NDUFB5: variants seen among roughly 807,000 people sequenced by gnomAD.
NDUFB5 encodes the protein NADH:ubiquinone oxidoreductase subunit B5, also known as NADH dehydrogenase [ubiquinone] 1 beta subcomplex subunit 5, mitochondrial.
Under a neutral mutation model 19.4 loss-of-function variants are expected in NDUFB5, and 19 were observed. The ratio of observed to expected loss-of-function variants is 0.98; its 90% CI spans 0.68 to 1.43. The LOEUF is 1.43. Among genes scored for constraint, NDUFB5 ranks in the 40% most tolerant of loss-of-function variants. The probability of loss-of-function intolerance (pLI) is 0.00; values close to 1 mark genes in which losing one functional copy is unlikely to be tolerated. For synonymous variants in NDUFB5, 80 were observed against 82.6 expected, an observed-to-expected ratio of 0.97 and a Z score of 0.17; for missense variants, 233 against 236.5, an observed-to-expected ratio of 0.99 and a Z score of 0.10.
chr3:179,624,277 C>A lies in NDUFB5; in HGVS notation c.*237C>A. 1 of 322,830 alleles carries A rather than the reference C, an allele frequency of 3.1e-6. No individual in the cohort carries two copies. 20.0% of individuals were successfully genotyped at this position (322,830 alleles called of 1,614,324 possible). On this transcript the variant is annotated 3_prime_UTR_variant, in exon 6 of 6. Coordinates refer to ENST00000259037, the MANE Select transcript of NDUFB5 (RefSeq NM_002492.4). Reference sequence around the variant, plus strand: ...AATTTGTGAACTCCTAAAATTGTAGCAACTTTGAAAGGTTAGTGTTTTATT... The same window carrying A: ...AATTTGTGAACTCCTAAAATTGTAGAAACTTTGAAAGGTTAGTGTTTTATT...
In NDUFB5 at chr3:179,613,782, C is replaced by G. The variant is rs1719308610; in HGVS notation, c.125-1189C>G. Among the ~76,000 whole-genome samples the G allele has an allele frequency of 1.3e-5, 2 of 152,142 alleles. 1 individual carries two copies. The highest frequency in any genetic ancestry group is 4.1e-4 in the South Asian group (2 of 4,826). On this transcript the variant is annotated intron_variant, in intron 1 of 5. Transcript: ENST00000259037. ...TGTTACCAAAATTAAGAAGATAGTT[C>G]CTGCTTTCAAGATATTTATACTTAA...
At chr3:179,623,067 G>T (rs55875831) in intron 5 of NDUFB5, among the ~76,000 whole-genome samples, 13,775 of 152,230 alleles carry the variant, frequency 0.09, 675 homozygotes, top group South Asian at 0.17. Context: ...TATTGACTGA[G>T]TATCTGATGT....
chr3:179,615,469 G>C (rs1719352589), intron 2 of NDUFB5: 1 of 367,328 alleles, frequency 2.7e-6, no homozygotes, highest in Non-Finnish European at 5.6e-6. Context: ...ATTTCAGAGA[G>C]TAACAGGGAT....
intron 2 of NDUFB5, 52 bp downstream of exon 2, chr3:179,615,111 A>C (rs1422931581): frequency 2.7e-6 from 3 of 1,127,004 alleles, no homozygotes; most frequent in East Asian, 2.4e-5. Flanking sequence ...ACAGGGAAAA[A>C]ATTTTTGCCT....
chr3:179,617,071 T>C (rs1456260578), intron 4 of NDUFB5, 27 bp downstream of exon 4: 1 of 1,485,208 alleles, frequency 6.7e-7, no homozygotes, highest in South Asian at 1.2e-5. Flanking sequence ...GACAATTACA[T>C]ACTGTTACAT....
In NDUFB5 at chr3:179,624,131, A is replaced by G; in HGVS notation, c.*91A>G. The G allele has an allele frequency of 8.3e-7, 1 of 1,209,104 alleles. No individual in the cohort carries two copies. Among genetic ancestry groups the G allele is most frequent in the Middle Eastern group, 3.0e-4 (1 of 3,380 alleles). 74.9% of individuals were successfully genotyped at this position (1,209,104 alleles called of 1,614,324 possible). A position where few individuals can be genotyped will look rare whatever the true frequency, so the allele number is the denominator to read the frequency against. On this transcript the variant is annotated 3_prime_UTR_variant, in exon 6 of 6. Coordinates refer to ENST00000259037, the MANE Select transcript of NDUFB5 (RefSeq NM_002492.4). ...GTATTTTTGCTCTCCGTGAAAAACA[A>G]AAGAGCCTCTGACATTACTGTCTCT...
intron 5 of NDUFB5, among the ~76,000 whole-genome samples, chr3:179,623,408 CACGCCTGTA>C (rs1719585352): frequency 6.6e-6 from 1 of 152,222 alleles, no homozygotes; most frequent in African/African-American, 2.4e-5. Flanking sequence ...TGCGGTGGCT[CACGCCTGTA>C]ATCCCAGCAC....
intron 4 of NDUFB5, 79 bp downstream of exon 4, chr3:179,617,123 T>C: frequency 1.8e-6 from 2 of 1,129,126 alleles, no homozygotes; most frequent in Non-Finnish European, 2.6e-6. Flanking sequence ...TCAGCAATTA[T>C]GATATAGTCA....
rs1236986938 is a variant in NDUFB5 at position 179,627,173 on chromosome 3, C to T, written c.*3133C>T. 2.0e-5 allele frequency: 3 copies of T among 151,902 alleles called. No individual in the cohort carries two copies. Among genetic ancestry groups the T allele is most frequent in the East Asian group, 1.9e-4 (1 of 5,140 alleles). 9.4% of individuals were successfully genotyped at this position (151,902 alleles called of 1,614,324 possible). A position where few individuals can be genotyped will look rare whatever the true frequency, so the allele number is the denominator to read the frequency against. ...CACACACTGTTTTAAACAACCAGATCTCTCAGGAACTCATTGTTGTTAGAA... is the reference window on the plus strand; with the variant it reads ...CACACACTGTTTTAAACAACCAGATTTCTCAGGAACTCATTGTTGTTAGAA... On this transcript the variant is annotated 3_prime_UTR_variant, in exon 6 of 6. Transcript: ENST00000259037.
In NDUFB5 at chr3:179,626,798, T is replaced by A. The variant is rs1719683126; in HGVS notation, c.*2758T>A. On this transcript the variant is annotated 3_prime_UTR_variant, in exon 6 of 6. Coordinates refer to ENST00000259037, the MANE Select transcript of NDUFB5 (RefSeq NM_002492.4). ...CACCCACCTTGGTCTCCCAAAGTGC[T>A]GGGATTACAGGTGTGAGCCACTGCG... 1 of 152,262 alleles carries A rather than the reference T, an allele frequency of 6.6e-6. No homozygotes were observed. The highest frequency in any genetic ancestry group is 2.4e-5 in the African/African-American group (1 of 41,452). The allele number at this position is 152,262 out of a possible 1,614,324, so 9.4% of individuals were successfully genotyped here. A position where few individuals can be genotyped will look rare whatever the true frequency, so the allele number is the denominator to read the frequency against.
chr3:179,624,118 T>TTTTTTCTTTTCTGCAATTCTA lies in NDUFB5; in HGVS notation c.*78_*79insTTTTTCTTTTCTGCAATTCTA. ...ATAAATATATTCTGTATTTTTGCTC[T>TTTTTTCTTTTCTGCAATTCTA]CCGTGAAAAACAAAAGAGCCTCTGA... On this transcript the variant is annotated 3_prime_UTR_variant, in exon 6 of 6. Coordinates refer to ENST00000259037, the MANE Select transcript of NDUFB5 (RefSeq NM_002492.4). The TTTTTTCTTTTCTGCAATTCTA allele has an allele frequency of 2.2e-6, 3 of 1,350,672 alleles. No homozygotes were observed. The highest frequency in any genetic ancestry group is 2.0e-6 in the Non-Finnish European group (2 of 1,003,342). 83.7% of individuals were successfully genotyped at this position (1,350,672 alleles called of 1,614,324 possible).
At chr3:179,617,646 T>C (rs1719418164) in intron 4 of NDUFB5, among the ~76,000 whole-genome samples, 1 of 152,226 alleles carries the variant, frequency 6.6e-6, no homozygotes. Flanking sequence ...TCACCAATGT[T>C]AATGCTAGCT....
At chr3:179,615,620 A>AT (rs1228107494) in intron 2 of NDUFB5, 2 of 475,294 alleles carry the variant, frequency 4.2e-6, no homozygotes, top group Admixed American at 2.3e-5. Context: ...GCCACGGTAG[A>AT]TAAAGCTCTG....
intron 1 of NDUFB5, among the ~76,000 whole-genome samples, chr3:179,614,622 T>C (rs1300002008): frequency 6.6e-6 from 1 of 152,210 alleles, no homozygotes; most frequent in South Asian, 2.1e-4. Context: ...TACTTTAACT[T>C]TGAATTAAAA....
rs747881063 is a variant in NDUFB5 at position 179,616,967 on chromosome 3, C to A, written c.281-16C>A. 2.5e-6 allele frequency: 4 copies of A among 1,599,312 alleles called. No individual in the cohort carries two copies. The highest frequency in any genetic ancestry group is 3.4e-5 in the Admixed American group (2 of 59,416). On this transcript the variant is annotated splice_polypyrimidine_tract_variant and intron_variant, in intron 3 of 5. Coordinates refer to ENST00000259037, the MANE Select transcript of NDUFB5 (RefSeq NM_002492.4). ...TCCTCATGCTAAAGTTAAACATAAC[C>A]ATTTTTTCTTATTAGGTCAAGCTGA...
chr3:179,604,881 C>T lies in NDUFB5; in HGVS notation c.66C>T (p.Pro22=). 1.3e-6 allele frequency: 2 copies of T among 1,595,376 alleles called. No individual in the cohort carries two copies. Among genetic ancestry groups the T allele is most frequent in the Non-Finnish European group, 1.7e-6 (2 of 1,175,074 alleles). ...CGGTGGCAGCTCTGTCTGGCCGGCC[C>T]CTTGGCACTCGCCTCGGATTTGGGG... ...VTAVAALSGR[P]LGTRLGFGGF... Residue 22 remains proline, a synonymous_variant, in exon 1 of 6, where the codon CCC becomes CCT. Transcript: ENST00000259037.
At chr3:179,614,432 A>G (rs751962572) in intron 1 of NDUFB5, among the ~76,000 whole-genome samples, 2 of 152,232 alleles carry the variant, frequency 1.3e-5, no homozygotes, top group Non-Finnish European at 2.9e-5. Flanking sequence ...TTTGCAGCAT[A>G]ATAATACATA....
chr3:179,607,958 C>A (rs143205169), intron 1 of NDUFB5: 3 of 607,880 alleles, frequency 4.9e-6, no homozygotes, highest in Non-Finnish European at 5.8e-6. Flanking sequence ...TTTTGCTTAT[C>A]CATCATCTGT....
At chr3:179,605,508 C>T (rs956402430) in intron 1 of NDUFB5, among the ~76,000 whole-genome samples, 9 of 152,070 alleles carry the variant, frequency 5.9e-5, no homozygotes, top group Non-Finnish European at 1.3e-4. Flanking sequence ...CTCTGTTGCC[C>T]AGGCTGGAGT....
Sources: allele counts gnomAD v4.1 joint callset (sites outside exome capture counted in the v4.1 genomes callset), GRCh38; gene constraint gnomAD v4.1.1; transcripts MANE v1.5; gene names NCBI Gene and HGNC (gene_info 2026-07-23, HGNC 2026-07-21).